Variants in TAF4B observed in about 807,000 individuals in gnomAD.
TAF4B encodes transcription initiation factor TFIID subunit 4B.
Under a neutral mutation model 86.4 loss-of-function variants are expected in TAF4B, and 38 were observed. That is an observed-to-expected ratio of 0.44 (90% CI 0.34 to 0.58). The LOEUF is 0.58. TAF4B is among the 20% of genes least tolerant of loss of function. The probability of loss-of-function intolerance (pLI) is 0.02; values close to 1 mark genes in which losing one functional copy is unlikely to be tolerated. For synonymous variants in TAF4B, 388 were observed against 391.2 expected (o/e 0.99, Z 0.10); for missense variants, 988 against 1,027.6 (o/e 0.96, Z 0.53).
rs957050719 is a variant in TAF4B, at chr18:26,297,301, G to A, written c.1832+3770G>A. Among the ~76,000 whole-genome samples, 5 of 152,104 alleles carry A rather than the reference G, an allele frequency of 3.3e-5. No homozygotes were observed. In the East Asian group the frequency reaches 5.8e-4, roughly 18 times the overall value. ...AGAGACATGACATGAAATCCTCTTC[G>A]AGAAAATTCGTTGGCACTGTTAAGG... On this transcript the variant is annotated intron_variant, in intron 9 of 14. Transcript: ENST00000269142.
chr18:26,268,213 G>A (rs188841425), intron 3 of TAF4B, among the ~76,000 whole-genome samples: 3 of 152,254 alleles, frequency 2.0e-5, no homozygotes, highest in Admixed American at 2.0e-4. Context: ...CAGCTAGCTA[G>A]GACAGTACAT....
intron 1 of TAF4B, among the ~76,000 whole-genome samples, chr18:26,257,838 CGTGCGTGTGT>C (rs1332831507): frequency 4.0e-5 from 4 of 100,794 alleles, no homozygotes; most frequent in African/African-American, 1.7e-4. Flanking sequence ...CTTTCCTCTG[CGTGCGTGTGT>C]GTGTGTGTGT....
intron 1 of TAF4B, among the ~76,000 whole-genome samples, chr18:26,233,921 T>C (rs2055709776): frequency 6.6e-6 from 1 of 152,194 alleles, no homozygotes; most frequent in African/African-American, 2.4e-5. Flanking sequence ...TTCACAGGTT[T>C]TGACTACTTG....
chr18:26,361,563 T>C (rs982616748), intron 14 of TAF4B, among the ~76,000 whole-genome samples: 3 of 151,504 alleles, frequency 2.0e-5, no homozygotes, highest in Admixed American at 2.0e-4. Flanking sequence ...CTAGCCAACA[T>C]GTGAAACCCC....
chr18:26,382,263 T>G (rs966026562), intron 14 of TAF4B, among the ~76,000 whole-genome samples: 18 of 152,214 alleles, frequency 1.2e-4, no homozygotes, highest in African/African-American at 4.1e-4. Context: ...TTCAGAGGTC[T>G]TTGCAAGTGT....
chr18:26,244,686 A>G (rs777122458), intron 1 of TAF4B, among the ~76,000 whole-genome samples: 2 of 152,292 alleles, frequency 1.3e-5, no homozygotes, highest in East Asian at 1.9e-4. Flanking sequence ...AGCTGTTCCT[A>G]TTCGGCCATC....
intron 6 of TAF4B, 121 bp downstream of exon 6, chr18:26,282,181 C>T: frequency 1.3e-6 from 1 of 777,522 alleles, no homozygotes. Context: ...GTGGGAGAAA[C>T]CTCTGAGTGC....
At chr18:26,313,895 T>A (rs1011643446) in intron 9 of TAF4B, among the ~76,000 whole-genome samples, 3 of 152,130 alleles carry the variant, frequency 2.0e-5, no homozygotes, top group African/African-American at 7.2e-5. Flanking sequence ...CTCGAACTCC[T>A]CACCTAAAGC....
intron 7 of TAF4B, among the ~76,000 whole-genome samples, chr18:26,291,401 C>T (rs1467815941): frequency 1.3e-5 from 2 of 151,918 alleles, no homozygotes; most frequent in East Asian, 3.9e-4. Flanking sequence ...GGCGTGGTGG[C>T]TCACGCCCTG....
chr18:26,269,701 T>C (rs1330005511), intron 3 of TAF4B, among the ~76,000 whole-genome samples: 1 of 78,394 alleles, frequency 1.3e-5, no homozygotes, highest in African/African-American at 4.5e-5. Context: ...TTGACACTTT[T>C]TTAGGTGCCT....
At chr18:26,315,513 C>A in intron 10 of TAF4B, 115 bp downstream of exon 10, 1 of 644,748 alleles carries the variant, frequency 1.6e-6, no homozygotes, top group Non-Finnish European at 2.4e-6. Flanking sequence ...AAATAAGATT[C>A]TAGAAATAAT....
intron 1 of TAF4B, among the ~76,000 whole-genome samples, chr18:26,260,248 G>T (rs2056145016): frequency 6.6e-6 from 1 of 152,242 alleles, no homozygotes; most frequent in East Asian, 1.9e-4. Context: ...TCACTCTGAT[G>T]GTAGTTTCTT....
At chr18:26,235,664 G>C (rs188284933) in intron 1 of TAF4B, among the ~76,000 whole-genome samples, 2 of 152,302 alleles carry the variant, frequency 1.3e-5, no homozygotes, top group East Asian at 3.9e-4. Flanking sequence ...GTCGATGTGG[G>C]ATGTGTGGTC....
At chr18:26,385,687 T>TTG (rs1215338376) in intron 14 of TAF4B, among the ~76,000 whole-genome samples, 54 of 143,294 alleles carry the variant, frequency 3.8e-4, no homozygotes, top group Admixed American at 3.4e-3. Context: ...GCGTTTTTTT[T>TTG]TTTTTTTCTT....
chr18:26,381,200 A>G (rs938435536), intron 14 of TAF4B, among the ~76,000 whole-genome samples: 1 of 151,760 alleles, frequency 6.6e-6, no homozygotes, highest in Non-Finnish European at 1.5e-5. Flanking sequence ...TTTTTAGTAG[A>G]GGTAGGGTTT....
intron 7 of TAF4B, among the ~76,000 whole-genome samples, chr18:26,287,133 G>A (rs1295162783): frequency 1.3e-5 from 2 of 152,094 alleles, no homozygotes; most frequent in African/African-American, 2.4e-5. Flanking sequence ...ATTAATATTG[G>A]TACAGTATTT....
chr18:26,295,571 C>T (rs1273598744), intron 9 of TAF4B, among the ~76,000 whole-genome samples: 1 of 152,214 alleles, frequency 6.6e-6, no homozygotes, highest in Non-Finnish European at 1.5e-5. Flanking sequence ...GTAATGCTCG[C>T]TTGCGCACCT....
At chr18:26,253,868 C>T (rs911593541) in intron 1 of TAF4B, among the ~76,000 whole-genome samples, 1 of 151,942 alleles carries the variant, frequency 6.6e-6, no homozygotes, top group Admixed American at 6.6e-5. Context: ...CTAGTCTTCC[C>T]TTATAATCCT....
At chr18:26,282,205 A>G in intron 6 of TAF4B, 145 bp downstream of exon 6, 1 of 659,622 alleles carries the variant, frequency 1.5e-6, no homozygotes, top group South Asian at 1.9e-5. Flanking sequence ...TGTAAGCTAT[A>G]AAGCGTGTTC....
Sources: gnomAD v4.1 joint callset for allele counts (sites outside exome capture counted in the v4.1 genomes callset) on GRCh38, gnomAD v4.1.1 for gene constraint, MANE v1.5 for transcripts, NCBI Gene and HGNC (gene_info 2026-07-23, HGNC 2026-07-21) for gene names.